The following NEGR1 variants were observed in gnomAD, a reference collection of about 807,000 sequenced individuals.
NEGR1 encodes the protein IgLON family member 4.
In NEGR1, 10 loss-of-function variants were observed where a neutral mutation model predicts 40.9. The observed-to-expected ratio is 0.24, with a 90% CI of 0.15 to 0.42. The LOEUF (loss-of-function observed/expected upper bound fraction) is 0.42, where lower values mean the gene tolerates loss of function less well. NEGR1 is among the 10% of genes least tolerant of loss of function. The pLI, the probability that NEGR1 is intolerant of heterozygous loss-of-function variation, is 1.00. For missense variants in NEGR1, 352 were observed against 438.9 expected, an observed-to-expected ratio of 0.80 and a Z score of 1.77; for synonymous variants, 185 against 166.8, an observed-to-expected ratio of 1.11 and a Z score of -0.84.
chr1:71,870,755 T>A (rs150608154), intron 2 of NEGR1, among the ~76,000 whole-genome samples: 23 of 152,304 alleles, frequency 1.5e-4, no homozygotes, highest in Admixed American at 5.9e-4. Flanking sequence ...TCTGTAAGTG[T>A]CTTTTTATTC....
At chr1:72,274,312 T>A (rs1208624172) in intron 1 of NEGR1, among the ~76,000 whole-genome samples, 1 of 152,168 alleles carries the variant, frequency 6.6e-6, no homozygotes, top group East Asian at 1.9e-4. Flanking sequence ...CTAGGCTATT[T>A]GGGCCCTGCC....
chr1:71,749,367 T>G (rs1655493729), intron 3 of NEGR1, among the ~76,000 whole-genome samples: 1 of 152,220 alleles, frequency 6.6e-6, no homozygotes, highest in South Asian at 2.1e-4. Context: ...TTAACTTACC[T>G]AAACCTCAGT....
chr1:72,050,245 T>C (rs1295863175), intron 1 of NEGR1, among the ~76,000 whole-genome samples: 1 of 151,598 alleles, frequency 6.6e-6, no homozygotes, highest in Non-Finnish European at 1.5e-5. Context: ...CTTTAACAAA[T>C]AAATATTTGT....
At chr1:71,637,346 C>CT (rs1651187653) in intron 4 of NEGR1, among the ~76,000 whole-genome samples, 1 of 151,850 alleles carries the variant, frequency 6.6e-6, no homozygotes, top group African/African-American at 2.4e-5. Flanking sequence ...CAAAAAGAGG[C>CT]TTTTACCATG....
intron 1 of NEGR1, among the ~76,000 whole-genome samples, chr1:72,146,866 T>C (rs1650929677): frequency 6.6e-6 from 1 of 152,162 alleles, no homozygotes. Context: ...ATCACATAAT[T>C]AAGTGGCTAC....
At position 71,918,216 on chromosome 1, in the gene NEGR1, CAAAAAAAAAAAAAAAAAAAAAA is replaced by C. The variant is rs1159908343; in HGVS notation, c.409+16841_409+16862del. 4.3e-3 allele frequency among the ~76,000 whole-genome samples: 106 copies of C among 24,752 alleles called. 2 individuals carry two copies. Among genetic ancestry groups the C allele is most frequent in the Admixed American group, 0.011 (17 of 1,480 alleles). 16.2% of individuals were successfully genotyped at this position (24,752 alleles called of 152,430 possible). ...TGGGCGACAGAACGAGACTCTGTCT[CAAAAAAAAAAAAAAAAAAAAAA>C]AAAAAAAAAAAAAAAAAAGAAGAAG... is the stretch of plus-strand genomic sequence containing the variant. On this transcript the variant is annotated intron_variant, in intron 2 of 6. Coordinates refer to ENST00000357731, the MANE Select transcript of NEGR1 (RefSeq NM_173808.3).
chr1:71,850,254 C>T (rs1316706468), intron 2 of NEGR1, among the ~76,000 whole-genome samples: 2 of 152,132 alleles, frequency 1.3e-5, no homozygotes, highest in African/African-American at 4.8e-5. Flanking sequence ...CTTTTGGGCT[C>T]AAGCAATCCT....
At chr1:71,674,382 C>T (rs532141744) in intron 4 of NEGR1, among the ~76,000 whole-genome samples, 4 of 152,254 alleles carry the variant, frequency 2.6e-5, no homozygotes, top group East Asian at 3.9e-4. Context: ...CCAGGACACA[C>T]TGATACTGCC....
chr1:72,167,132 T>C (rs1651796412), intron 1 of NEGR1, among the ~76,000 whole-genome samples: 1 of 152,004 alleles, frequency 6.6e-6, no homozygotes, highest in African/African-American at 2.4e-5. Flanking sequence ...AGATGCAAAA[T>C]CTTAAAACAA....
At chr1:72,062,684 T>C (rs956515905) in intron 1 of NEGR1, among the ~76,000 whole-genome samples, 1 of 151,940 alleles carries the variant, frequency 6.6e-6, no homozygotes, top group Admixed American at 6.6e-5. Flanking sequence ...CTTGCTTGCA[T>C]ATAGCTTTCT....
intron 1 of NEGR1, among the ~76,000 whole-genome samples, chr1:71,971,008 C>T (rs61765347): frequency 0.3 from 45,788 of 151,940 alleles, 7,769 homozygotes; most frequent in African/African-American, 0.47. Context: ...GTTAAACATC[C>T]TGACATGAAA....
At chr1:72,097,439 C>T (rs114887144) in intron 1 of NEGR1, among the ~76,000 whole-genome samples, 270 of 152,244 alleles carry the variant, frequency 1.8e-3, no homozygotes, top group Non-Finnish European at 3.4e-3. Context: ...TCCTGCCTCA[C>T]TATTTTCCTC....
chr1:71,580,681 C>A (rs1393902625), intron 6 of NEGR1, among the ~76,000 whole-genome samples: 1 of 151,932 alleles, frequency 6.6e-6, no homozygotes, highest in East Asian at 1.9e-4. Context: ...TAAAGAAAGG[C>A]CATAATGTAT....
chr1:72,171,979 A>G (rs1034203432), intron 1 of NEGR1, among the ~76,000 whole-genome samples: 1 of 152,166 alleles, frequency 6.6e-6, no homozygotes, highest in African/African-American at 2.4e-5. Flanking sequence ...TAGAAAGTCA[A>G]CTGGAGACCT....
chr1:71,958,653 G>A lies in NEGR1; in HGVS notation c.177-23342C>T, dbSNP rs193175648. On this transcript the variant is annotated intron_variant, in intron 1 of 6. Coordinates refer to ENST00000357731, the MANE Select transcript of NEGR1 (RefSeq NM_173808.3). The stretch of plus-strand genomic sequence containing the variant: ...CTACAGCTGACAAGAACTAATTCTT[G>A]TTTTAAGACCAAACTTTTCAGGCTG... 3.9e-3 allele frequency among the ~76,000 whole-genome samples: 588 copies of A among 152,176 alleles called. 3 individuals are homozygous for A. Among genetic ancestry groups the A allele is most frequent in the Non-Finnish European group, 6.0e-3 (410 of 67,996 alleles).
At chr1:71,620,057 A>C (rs1240985469) in intron 4 of NEGR1, among the ~76,000 whole-genome samples, 2 of 152,040 alleles carry the variant, frequency 1.3e-5, no homozygotes, top group African/African-American at 4.8e-5. Context: ...GAAACTTTAG[A>C]GTTCCAATGG....
chr1:71,419,370 A>C (rs1398415239), intron 6 of NEGR1, among the ~76,000 whole-genome samples: 2 of 152,210 alleles, frequency 1.3e-5, no homozygotes, highest in African/African-American at 4.8e-5. Flanking sequence ...AATTTGGATA[A>C]ATATATCTGT....
intron 1 of NEGR1, among the ~76,000 whole-genome samples, chr1:72,077,922 T>C (rs1260188304): frequency 6.6e-6 from 1 of 152,132 alleles, no homozygotes; most frequent in Non-Finnish European, 1.5e-5. Context: ...GGATAAAGCA[T>C]CAATTGATTT....
At chr1:71,609,991 G>A (rs932790767) in intron 5 of NEGR1, among the ~76,000 whole-genome samples, 1 of 152,168 alleles carries the variant, frequency 6.6e-6, no homozygotes, top group Non-Finnish European at 1.5e-5. Flanking sequence ...TCTCTCTCCT[G>A]CCGCCTAGTG....
Sources: allele counts gnomAD v4.1 joint callset (sites outside exome capture counted in the v4.1 genomes callset), GRCh38; gene constraint gnomAD v4.1.1; transcripts MANE v1.5; gene names NCBI Gene and HGNC (gene_info 2026-07-23, HGNC 2026-07-21).